The following TMEM131L variants were observed in gnomAD, a reference collection of about 807,000 sequenced individuals.
TMEM131L encodes the protein transmembrane 131 like.
TMEM131L carries 54 observed loss-of-function variants against 192.2 expected under a neutral mutation model. The ratio of observed to expected loss-of-function variants is 0.28; its 90% CI spans 0.23 to 0.35. The LOEUF (loss-of-function observed/expected upper bound fraction) is 0.35, where lower values mean the gene tolerates loss of function less well. Among genes scored for constraint, TMEM131L ranks in the 10% least tolerant of loss-of-function variants. The pLI, the probability that TMEM131L is intolerant of heterozygous loss-of-function variation, is 1.00. For missense variants in TMEM131L, 1,888 were observed against 1,972.9 expected (o/e 0.96, Z 0.82); for synonymous variants, 701 against 704.9 (o/e 0.99, Z 0.09).
intron 25 of TMEM131L, among the ~76,000 whole-genome samples, chr4:153,610,219 C>G (rs1440055185): frequency 6.6e-6 from 1 of 152,150 alleles, no homozygotes; most frequent in Non-Finnish European, 1.5e-5. Context: ...CCTATAGAGA[C>G]AGAAATTCCC....
intron 7 of TMEM131L, among the ~76,000 whole-genome samples, chr4:153,563,456 CTTTTT>C (rs1177255196): frequency 0.024 from 2,138 of 87,824 alleles, 23 homozygotes; most frequent in African/African-American, 0.078. Context: ...GATATGTACC[CTTTTT>C]TTTTTTTTTT....
At chr4:153,508,033 A>G (rs1285262362) in intron 3 of TMEM131L, among the ~76,000 whole-genome samples, 52 of 152,194 alleles carry the variant, frequency 3.4e-4, no homozygotes, top group Non-Finnish European at 4.4e-5. Flanking sequence ...GAAGGCCTGA[A>G]TTAGGATGGG....
At chr4:153,586,557 A>T (rs563810986) in intron 14 of TMEM131L, among the ~76,000 whole-genome samples, 178 bp downstream of exon 14, 10 of 152,280 alleles carry the variant, frequency 6.6e-5, no homozygotes, top group African/African-American at 2.4e-4. Context: ...AAAAATCTTT[A>T]TTTGGAAAGA....
chr4:153,538,830 G>A (rs955560087), intron 3 of TMEM131L, among the ~76,000 whole-genome samples: 1 of 152,174 alleles, frequency 6.6e-6, no homozygotes, highest in Non-Finnish European at 1.5e-5. Flanking sequence ...GGGACCCCAC[G>A]TCGCCTTCCC....
chr4:153,576,569 T>C (rs1729957246), intron 7 of TMEM131L, among the ~76,000 whole-genome samples: 1 of 152,106 alleles, frequency 6.6e-6, no homozygotes, highest in Non-Finnish European at 1.5e-5. Flanking sequence ...AAACTGTTAA[T>C]ATGAGTGTGA....
intron 15 of TMEM131L, among the ~76,000 whole-genome samples, chr4:153,588,091 T>C (rs2150803180): frequency 6.8e-6 from 1 of 146,362 alleles, no homozygotes; most frequent in African/African-American, 2.5e-5. Flanking sequence ...ACAGCACCCA[T>C]AGGAAAAATT....
rs548364463 is a variant in TMEM131L, at chr4:153,548,305, C to A, written c.240-1768C>A. 5.9e-5 allele frequency among the ~76,000 whole-genome samples: 9 copies of A among 152,060 alleles called. No homozygotes were observed. In the South Asian group the frequency reaches 1.2e-3, roughly 21 times the overall value. ...GCATTACTTTATTTTTTTTTAATTT[C>A]TTTTTATTTTTTTGAGACGGAGTCT... On this transcript the variant is annotated intron_variant, in intron 3 of 34. Transcript: ENST00000409959.
At position 153,632,771 on chromosome 4, in the gene TMEM131L, A is replaced by C. The variant is rs1254970643; in HGVS notation, c.4261A>C (p.Ser1421Arg). The change falls in exon 32 of 35, where the codon AGC (serine) becomes CGC (arginine). Residue 1421 changes from serine to arginine, a missense_variant. Transcript: ENST00000409959. ...CACTCCGCCAGTGTGTGTGACAAGCAGCTTAAACTGCACCCTGGAGAACGG... is the reference window on the plus strand; with the variant it reads ...CACTCCGCCAGTGTGTGTGACAAGCCGCTTAAACTGCACCCTGGAGAACGG... ...WPTPPVCVTS[S>R]LNCTLENGVP... The C allele has an allele frequency of 6.2e-7, 1 of 1,614,114 alleles. No homozygotes were observed. Among genetic ancestry groups the C allele is most frequent in the Non-Finnish European group, 8.5e-7 (1 of 1,180,018 alleles).
intron 3 of TMEM131L, among the ~76,000 whole-genome samples, chr4:153,480,529 A>AG (rs947621102): frequency 6.6e-6 from 1 of 151,286 alleles, no homozygotes; most frequent in African/African-American, 2.4e-5. Flanking sequence ...AAAAAAAAAA[A>AG]AAAAAAAAAA....
chr4:153,576,192 C>T (rs961630718), intron 7 of TMEM131L, among the ~76,000 whole-genome samples: 7 of 152,088 alleles, frequency 4.6e-5, no homozygotes, highest in Non-Finnish European at 1.0e-4. Flanking sequence ...GATCTCCTGA[C>T]CTCGTGATCT....
rs977624230 is a variant in TMEM131L at position 153,604,179 on chromosome 4, A to G, written c.3167A>G (p.Lys1056Arg). Residue 1056 changes from lysine (K) to arginine (R), a missense_variant, in exon 25 of 35, where the codon AAA becomes AGA. Coordinates refer to ENST00000409959, the MANE Select transcript of TMEM131L (RefSeq NM_001131007.2). ...NLTLPKNLLN[K>R]EENTLKNTIV... Reference sequence around the variant, plus strand: ...ACCCTTCCCAAAAACTTACTGAATAAAGAAGAAAACACACTGAAAAACACA... The same window carrying G: ...ACCCTTCCCAAAAACTTACTGAATAGAGAAGAAAACACACTGAAAAACACA... The G allele has an allele frequency of 6.2e-7, 1 of 1,614,160 alleles. No individual in the cohort carries two copies. Among genetic ancestry groups the G allele is most frequent in the Non-Finnish European group, 8.5e-7 (1 of 1,180,008 alleles).
intron 6 of TMEM131L, among the ~76,000 whole-genome samples, chr4:153,558,049 G>T (rs1728602381): frequency 6.6e-6 from 1 of 152,214 alleles, no homozygotes; most frequent in African/African-American, 2.4e-5. Flanking sequence ...GGGATTACAG[G>T]CGTGAGCCAC....
intron 18 of TMEM131L, 83 bp downstream of exon 18, chr4:153,592,667 C>G: frequency 3.2e-6 from 3 of 951,804 alleles, no homozygotes; most frequent in Non-Finnish European, 5.1e-6. Flanking sequence ...ACTTTTTCAA[C>G]CAGGACCTGT....
chr4:153,505,100 T>C (rs925963810), intron 3 of TMEM131L, among the ~76,000 whole-genome samples: 1 of 150,728 alleles, frequency 6.6e-6, no homozygotes, highest in Non-Finnish European at 1.5e-5. Flanking sequence ...TCCATTTCTT[T>C]CTTTCTTTCT....
intron 30 of TMEM131L, among the ~76,000 whole-genome samples, chr4:153,626,522 A>T (rs1021037569): frequency 6.6e-6 from 1 of 152,208 alleles, no homozygotes; most frequent in Non-Finnish European, 1.5e-5. Context: ...TTGGGAGGCC[A>T]GGGTGGGAGG....
Position 153,620,841 on chromosome 4 carries a change from G to A in TMEM131L, c.3653G>A (p.Cys1218Tyr). The A allele has an allele frequency of 6.2e-7, 1 of 1,601,214 alleles. No individual in the cohort carries two copies. The highest frequency in any genetic ancestry group is 8.5e-7 in the Non-Finnish European group (1 of 1,175,388). The change falls in exon 27 of 35, where the codon TGT (cysteine) becomes TAT (tyrosine). Residue 1218 changes from cysteine to tyrosine, a missense_variant. Physicochemically the swap from Cys to Tyr is radical, Grantham distance 194. Coordinates refer to ENST00000409959, the MANE Select transcript of TMEM131L (RefSeq NM_001131007.2). ...TTAAATTGGAGTAAAAGTCGAACAT[G>A]TAGAAAGAACAAGAAAAGGGGTGTT... ...QNLNWSKSRT[C>Y]RKNKKRGVAP...
chr4:153,521,821 T>C (rs1322727150), intron 3 of TMEM131L, among the ~76,000 whole-genome samples: 13 of 151,858 alleles, frequency 8.6e-5, no homozygotes, highest in Admixed American at 8.5e-4. Flanking sequence ...TTTAGCGTAA[T>C]GTCTTCAAGA....
At chr4:153,608,836 G>T (rs1186773852) in intron 25 of TMEM131L, among the ~76,000 whole-genome samples, 1 of 152,086 alleles carries the variant, frequency 6.6e-6, no homozygotes, top group Non-Finnish European at 1.5e-5. Context: ...ATTTGTTTCT[G>T]TTTTTTAACC....
rs564874764 is a variant in TMEM131L at position 153,481,405 on chromosome 4, TGCTTTTACATTTAAA to T, written c.239+7529_239+7543del. Among the ~76,000 whole-genome samples the T allele has an allele frequency of 2.4e-4, 36 of 152,364 alleles. 1 individual carries two copies. In the East Asian group the frequency reaches 6.8e-3, roughly 29 times the overall value. ...GAGCTGCAGAAGGAATGCAAGCTCA[TGCTTTTACATTTAAA>T]GCTTTTACATTGATTACTTGTTATG... On this transcript the variant is annotated intron_variant, in intron 3 of 34. Transcript: ENST00000409959.
Sources: gnomAD v4.1 joint callset for allele counts (sites outside exome capture counted in the v4.1 genomes callset) on GRCh38, gnomAD v4.1.1 for gene constraint, MANE v1.5 for transcripts, NCBI Gene and HGNC (gene_info 2026-07-23, HGNC 2026-07-21) for gene names.